RIPOR3: variants seen among roughly 807,000 people sequenced by gnomAD.
RIPOR3 encodes the protein family with sequence similarity 65 member C.
In RIPOR3, 95 loss-of-function variants were observed where a neutral mutation model predicts 114.3. That is an observed-to-expected ratio of 0.83 (90% CI 0.70 to 0.99). RIPOR3 has a LOEUF of 0.99. RIPOR3 is among the 50% of genes least tolerant of loss of function. The pLI, the probability that RIPOR3 is intolerant of heterozygous loss-of-function variation, is 0.00. For missense variants in RIPOR3, 1,252 were observed against 1,266.9 expected, an observed-to-expected ratio of 0.99 and a Z score of 0.18; for synonymous variants, 575 against 543.8, an observed-to-expected ratio of 1.06 and a Z score of -0.80.
intron 20 of RIPOR3, among the ~76,000 whole-genome samples, chr20:50,588,803 G>A (rs1313764987): frequency 8.6e-5 from 13 of 150,432 alleles, no homozygotes; most frequent in Non-Finnish European, 1.3e-4. Flanking sequence ...ATTCTAGGCC[G>A]GGCGCGGTGG....
At chr20:50,633,185 C>T (rs1283843157) in intron 1 of RIPOR3, among the ~76,000 whole-genome samples, 1 of 152,150 alleles carries the variant, frequency 6.6e-6, no homozygotes, top group Non-Finnish European at 1.5e-5. Flanking sequence ...TCACTTGAAC[C>T]TGGGAGGTGG....
chr20:50,625,754 G>A (rs2084596044), intron 2 of RIPOR3, among the ~76,000 whole-genome samples: 1 of 152,198 alleles, frequency 6.6e-6, no homozygotes, highest in Admixed American at 6.5e-5. Context: ...CTGGGGCAGA[G>A]TAGGACAGTA....
rs1389468634 is a variant in RIPOR3 at position 50,644,198 on chromosome 20, C to T, written c.4-13342G>A. On this transcript the variant is annotated intron_variant, in intron 1 of 21. Transcript: ENST00000327979. ...TATTGCCCAGGCTGGTTTGGAACTC[C>T]TGGCCTCATGTAATCCTCCCAGCTC... 3.3e-5 allele frequency among the ~76,000 whole-genome samples: 5 copies of T among 151,982 alleles called. No individual in the cohort carries two copies. The South Asian group carries it at 1.0e-3, about 32-fold the overall frequency.
At chr20:50,615,429 G>C (rs1218609501) in intron 4 of RIPOR3, among the ~76,000 whole-genome samples, 1 of 150,136 alleles carries the variant, frequency 6.7e-6, no homozygotes, top group Non-Finnish European at 1.5e-5. Context: ...GGAGGCTGAG[G>C]TAAAAGGATC....
At chr20:50,675,515 AAAGCCCACTTTT>A in intron 1 of RIPOR3, among the ~76,000 whole-genome samples, 1 of 152,330 alleles carries the variant, frequency 6.6e-6, no homozygotes, top group Middle Eastern at 3.4e-3. Flanking sequence ...TATCTGGTCT[AAAGCCCACTTTT>A]AAGGACCAAC....
intron 17 of RIPOR3, among the ~76,000 whole-genome samples, chr20:50,594,097 C>T (rs1283120004): frequency 8.6e-5 from 13 of 151,976 alleles, no homozygotes; most frequent in Non-Finnish European, 1.5e-4. Context: ...GGCGAAACCC[C>T]GTCTCTACTA....
chr20:50,684,673 A>C (rs2086958032), intron 1 of RIPOR3, among the ~76,000 whole-genome samples: 1 of 152,198 alleles, frequency 6.6e-6, no homozygotes, highest in Non-Finnish European at 1.5e-5. Flanking sequence ...AATAGCCCAG[A>C]GAGAGACACC....
At chr20:50,616,789 A>G (rs998426275) in intron 3 of RIPOR3, among the ~76,000 whole-genome samples, 2 of 151,704 alleles carry the variant, frequency 1.3e-5, no homozygotes, top group African/African-American at 4.8e-5. Context: ...CCCATGTTAT[A>G]CCCCCTCCCA....
intron 2 of RIPOR3, among the ~76,000 whole-genome samples, chr20:50,622,033 C>T (rs1395491017): frequency 2.0e-5 from 3 of 152,214 alleles, no homozygotes; most frequent in African/African-American, 7.2e-5. Flanking sequence ...CTGATGCAGC[C>T]TTTGCTCACC....
At chr20:50,636,514 A>G (rs2084991252) in intron 1 of RIPOR3, 1 of 968,458 alleles carries the variant, frequency 1.0e-6, no homozygotes, top group Non-Finnish European at 1.2e-6. Flanking sequence ...GGCATGAGAG[A>G]CAGTGCAGAG....
chr20:50,677,672 T>G (rs1196270683), intron 1 of RIPOR3, among the ~76,000 whole-genome samples: 1 of 121,788 alleles, frequency 8.2e-6, no homozygotes, highest in African/African-American at 2.8e-5. Flanking sequence ...GCGCCTGGCC[T>G]TTTTTTTTTT....
intron 1 of RIPOR3, among the ~76,000 whole-genome samples, chr20:50,651,271 C>T (rs73121755): frequency 0.06 from 9,170 of 152,200 alleles, 307 homozygotes; most frequent in African/African-American, 0.081. Flanking sequence ...TATGGCCACA[C>T]GGAACTGAAT....
chr20:50,601,953 A>C, intron 13 of RIPOR3, 119 bp downstream of exon 13: 2 of 979,762 alleles, frequency 2.0e-6, no homozygotes, highest in Non-Finnish European at 2.9e-6. Context: ...CGGCCCACCC[A>C]GGTCACGCAG....
intron 1 of RIPOR3, among the ~76,000 whole-genome samples, chr20:50,678,942 A>G (rs988963936): frequency 8.6e-5 from 13 of 150,560 alleles, no homozygotes; most frequent in African/African-American, 2.0e-4. Flanking sequence ...CATCTCTACA[A>G]AAAATTCAAA....
intron 1 of RIPOR3, among the ~76,000 whole-genome samples, chr20:50,662,968 T>G (rs912215127): frequency 1.3e-5 from 2 of 151,988 alleles, no homozygotes; most frequent in African/African-American, 4.8e-5. Flanking sequence ...TCATAGCGCA[T>G]GCCTGTAGTC....
intron 1 of RIPOR3, among the ~76,000 whole-genome samples, chr20:50,686,202 G>A (rs930335707): frequency 7.3e-5 from 11 of 151,610 alleles, no homozygotes; most frequent in Admixed American, 2.0e-4. Flanking sequence ...GATTACAGGC[G>A]CCCACCACCA....
intron 1 of RIPOR3, among the ~76,000 whole-genome samples, chr20:50,681,930 T>A (rs1263586062): frequency 6.6e-6 from 1 of 152,228 alleles, no homozygotes; most frequent in East Asian, 1.9e-4. Flanking sequence ...GTCCTTGATG[T>A]CAGTCAAGAT....
intron 1 of RIPOR3, 40 bp from the exon 2 acceptor site, chr20:50,630,896 T>C (rs982810577): frequency 3.3e-6 from 5 of 1,516,948 alleles, no homozygotes; most frequent in Non-Finnish European, 4.5e-6. Flanking sequence ...GGCATCACCA[T>C]CCAGCGAGTG....
intron 1 of RIPOR3, among the ~76,000 whole-genome samples, chr20:50,666,242 G>A (rs185756805): frequency 3.6e-3 from 91 of 25,230 alleles, no homozygotes; most frequent in Non-Finnish European, 9.0e-3. Flanking sequence ...ACGGAGTCAC[G>A]CTCTGTTGCC....
Sources: gnomAD v4.1 joint callset for allele counts (sites outside exome capture counted in the v4.1 genomes callset) on GRCh38, gnomAD v4.1.1 for gene constraint, MANE v1.5 for transcripts, NCBI Gene and HGNC (gene_info 2026-07-23, HGNC 2026-07-21) for gene names.